ABCC5: variants seen among roughly 807,000 people sequenced by gnomAD.
ABCC5 encodes the protein ATP-binding cassette sub-family C member 5.
In ABCC5, 61 loss-of-function variants were observed where a neutral mutation model predicts 160.9. The ratio of observed to expected loss-of-function variants is 0.38; its 90% CI spans 0.31 to 0.47. ABCC5 has a LOEUF of 0.47. ABCC5 is among the 20% of genes least tolerant of loss of function. The pLI is 0.99. For missense variants in ABCC5, 1,308 were observed against 1,813.3 expected (o/e 0.72, Z 5.06); for synonymous variants, 666 against 700.6 (o/e 0.95, Z 0.78).
chr3:183,969,090 A>G (rs202023825), intron 11 of ABCC5, among the ~76,000 whole-genome samples: 1 of 152,220 alleles, frequency 6.6e-6, no homozygotes, highest in East Asian at 1.9e-4. Context: ...TTATGATTAA[A>G]TGATGACTAA....
Position 183,951,938 on chromosome 3 carries a change from CAT to C in ABCC5, c.2731_2732del (p.Met911AlafsTer38). 1 of 1,613,946 alleles carries C rather than the reference CAT, an allele frequency of 6.2e-7. No homozygotes were observed. The highest frequency in any genetic ancestry group is 8.5e-7 in the Non-Finnish European group (1 of 1,179,826). ...GGGCGTAGATGCTGGCATAGTACTG[CAT>C]ATGAGGATTGTCCTTCATGCTGTCA... ...VSDSMKDNPHMQYYASIYALS... is the reference protein window; with the variant it reads ...VSDSMKDNPHXQYYASIYALS... On this transcript the variant is annotated frameshift_variant, in exon 19 of 30. Coordinates refer to ENST00000334444, the MANE Select transcript of ABCC5 (RefSeq NM_005688.4). LOFTEE classifies it high-confidence loss of function. The surrounding 1 kb of genome is among the most constrained non-coding windows in gnomAD (Gnocchi z 4.7).
At chr3:183,962,766 C>T (rs1716888274) in intron 15 of ABCC5, among the ~76,000 whole-genome samples, 1 of 152,106 alleles carries the variant, frequency 6.6e-6, no homozygotes, top group Non-Finnish European at 1.5e-5. Context: ...AGGTGATCCG[C>T]CAGCCTCAGC....
At chr3:183,979,884 T>G (rs1349038910) in intron 8 of ABCC5, among the ~76,000 whole-genome samples, 1 of 151,648 alleles carries the variant, frequency 6.6e-6, no homozygotes, top group Non-Finnish European at 1.5e-5. Flanking sequence ...CAATACTTTT[T>G]TTTTTTTTAA....
At chr3:183,985,354 G>A (rs1480593652) in intron 5 of ABCC5, 2 of 1,613,808 alleles carry the variant, frequency 1.2e-6, no homozygotes, top group Non-Finnish European at 1.7e-6. Flanking sequence ...CATTCTGACC[G>A]CAGAATACAG....
At position 183,945,958 on chromosome 3, in the gene ABCC5, A is replaced by G; in HGVS notation, c.3415-19T>C. The G allele has an allele frequency of 1.2e-6, 2 of 1,605,752 alleles. No individual in the cohort carries two copies. Among genetic ancestry groups the G allele is most frequent in the Non-Finnish European group, 1.7e-6 (2 of 1,172,492 alleles). On this transcript the variant is annotated intron_variant, in intron 23 of 29. Coordinates refer to ENST00000334444, the MANE Select transcript of ABCC5 (RefSeq NM_005688.4). Reference sequence around the variant, plus strand: ...CCGTTAACTGATAATGGAAAACAACAATCAAAGAGATAATTCATTATCAAT... The same window carrying G: ...CCGTTAACTGATAATGGAAAACAACGATCAAAGAGATAATTCATTATCAAT...
In ABCC5 at chr3:183,920,107, A is replaced by G. The variant is rs1289756775; in HGVS notation, c.*1193T>C. On this transcript the variant is annotated 3_prime_UTR_variant, in exon 30 of 30. Coordinates refer to ENST00000334444, the MANE Select transcript of ABCC5 (RefSeq NM_005688.4). The surrounding 1 kb of genome is among the most constrained non-coding windows in gnomAD (Gnocchi z 4.1). ...CCTGAGCTACCAGCCCCACAGCACA[A>G]AGGGGGTTTGCGGGAACACACCAAA... The G allele has an allele frequency of 2.0e-5, 3 of 152,832 alleles. No individual in the cohort carries two copies. Among genetic ancestry groups the G allele is most frequent in the South Asian group, 4.1e-4 (2 of 4,820 alleles). 9.5% of individuals were successfully genotyped at this position (152,832 alleles called of 1,614,324 possible).
Position 183,951,017 on chromosome 3 carries a change from G to A in ABCC5, c.2944+424C>T, listed in dbSNP as rs548725617. Among the ~76,000 whole-genome samples, 2 of 152,300 alleles carry A rather than the reference G, an allele frequency of 1.3e-5. No homozygotes were observed. The highest frequency in any genetic ancestry group is 2.1e-4 in the South Asian group (1 of 4,820). ...CCTGCTGCGGGGATTAAGGTAACAT[G>A]CATAAAACACTGAGCATGCTGCTTG... On this transcript the variant is annotated intron_variant, in intron 20 of 29. Coordinates refer to ENST00000334444, the MANE Select transcript of ABCC5 (RefSeq NM_005688.4). The surrounding 1 kb of genome is among the most constrained non-coding windows in gnomAD (Gnocchi z 4.7).
At chr3:183,932,008 A>G (rs2108766344) in intron 26 of ABCC5, among the ~76,000 whole-genome samples, 1 of 152,322 alleles carries the variant, frequency 6.6e-6, no homozygotes, top group South Asian at 2.1e-4. Context: ...TTGGTTCTTC[A>G]TATTTTATTT....
intron 29 of ABCC5, among the ~76,000 whole-genome samples, chr3:183,923,479 C>T (rs1712208236): frequency 1.3e-5 from 2 of 152,128 alleles, no homozygotes; most frequent in South Asian, 4.2e-4. Flanking sequence ...AAAAATTAGC[C>T]AGGCATGGTG....
At chr3:183,930,108 TA>T (rs1266879912) in intron 26 of ABCC5, among the ~76,000 whole-genome samples, 3 of 152,230 alleles carry the variant, frequency 2.0e-5, no homozygotes, top group Admixed American at 6.5e-5. Context: ...CTCATAAAAT[TA>T]TGCCTGGCAT....
At position 183,927,473 on chromosome 3, in the gene ABCC5, G is replaced by C. The variant is rs1712699970; in HGVS notation, c.3934-30C>G. ...GGAGAAAGAAACTAGAGATCAGAGG[G>C]GTAAGAAACTAAGCTGAATTTCCTG... is the stretch of plus-strand genomic sequence containing the variant. On this transcript the variant is annotated intron_variant, in intron 27 of 29. Transcript: ENST00000334444. 2.5e-6 allele frequency: 4 copies of C among 1,591,352 alleles called. No individual in the cohort carries two copies. In the African/African-American group the frequency reaches 4.0e-5, roughly 16 times the overall value.
At chr3:183,956,575 T>C (rs1273946266) in intron 17 of ABCC5, among the ~76,000 whole-genome samples, 1 of 145,836 alleles carries the variant, frequency 6.9e-6, no homozygotes. Flanking sequence ...TCAGTGTGTA[T>C]ATCACATCGG....
chr3:183,939,096 G>A (rs1714031622), intron 25 of ABCC5, among the ~76,000 whole-genome samples: 1 of 152,172 alleles, frequency 6.6e-6, no homozygotes. Context: ...CCTCAGAGTT[G>A]AGATCATATC....
chr3:183,938,135 GCAATGC>G, intron 25 of ABCC5, 75 bp from the exon 26 acceptor site: 1 of 1,416,456 alleles, frequency 7.1e-7, no homozygotes, highest in African/African-American at 1.4e-5. Flanking sequence ...TAGCCTCAGG[GCAATGC>G]CAACTATTTT....
intron 1 of ABCC5, among the ~76,000 whole-genome samples, chr3:184,016,628 T>C (rs1722216233): frequency 6.6e-6 from 1 of 152,326 alleles, no homozygotes; most frequent in Non-Finnish European, 1.5e-5. Context: ...TTTTAAATGC[T>C]CACTTGCCTC....
At chr3:183,953,949 C>T (rs533191125) in intron 17 of ABCC5, among the ~76,000 whole-genome samples, 1 of 152,302 alleles carries the variant, frequency 6.6e-6, no homozygotes, top group African/African-American at 2.4e-5. Context: ...ACAGGTGTGT[C>T]TGACTTCTGT....
At chr3:183,965,146 A>C in intron 14 of ABCC5, 39 bp downstream of exon 14, 1 of 1,606,996 alleles carries the variant, frequency 6.2e-7, no homozygotes, top group East Asian at 2.2e-5. Context: ...CAGCTCTGCC[A>C]CTCTGCTAAA....
At position 183,951,887 on chromosome 3, in the gene ABCC5, C is replaced by T. The variant is rs771941620; in HGVS notation, c.2784G>A (p.Leu928=). The stretch of plus-strand genomic sequence containing the variant: ...CAAAGACAACTCCTCGAATGGCTTT[C>T]AGGATCAGCATGACTGCCATGGAGA... The part of the protein sequence containing the change: ...YALSMAVMLI[L]KAIRGVVFVK... The change falls in exon 19 of 30, where the codon CTG becomes CTA. Residue 928 remains leucine (L), a synonymous_variant. Transcript: ENST00000334444. This position sits in a 1 kb window ranked among gnomAD's most constrained non-coding sequence, Gnocchi z 4.7. The T allele has an allele frequency of 1.2e-6, 2 of 1,613,808 alleles. No homozygotes were observed. The highest frequency in any genetic ancestry group is 1.7e-6 in the Non-Finnish European group (2 of 1,179,856).
rs140530675 is a variant in ABCC5, at chr3:183,987,742, A to T, written c.591+28T>A. 541 of 1,614,094 alleles carry T rather than the reference A, an allele frequency of 3.4e-4. 1 individual carries two copies. Among genetic ancestry groups the T allele is most frequent in the Non-Finnish European group, 3.5e-4 (408 of 1,180,006 alleles). Reference sequence around the variant, plus strand: ...GCTGGCCGTGGCCGGGCCCCTGGAGACTGTCGGAAAGGATGGTTAGAACTT... The same window carrying T: ...GCTGGCCGTGGCCGGGCCCCTGGAGTCTGTCGGAAAGGATGGTTAGAACTT... On this transcript the variant is annotated intron_variant, in intron 5 of 29. Coordinates refer to ENST00000334444, the MANE Select transcript of ABCC5 (RefSeq NM_005688.4). The surrounding 1 kb of genome is among the most constrained non-coding windows in gnomAD (Gnocchi z 4.2).
Sources: allele counts gnomAD v4.1 joint callset (sites outside exome capture counted in the v4.1 genomes callset), GRCh38; gene constraint gnomAD v4.1.1; non-coding constraint Gnocchi (gnomAD v3.1); transcripts MANE v1.5; gene names NCBI Gene and HGNC (gene_info 2026-07-23, HGNC 2026-07-21).